Variants in OVOL3 observed in about 807,000 individuals in gnomAD.
OVOL3 encodes putative transcription factor ovo-like protein 3.
A neutral mutation model predicts 13.6 loss-of-function variants in OVOL3; 15 were observed. That is an observed-to-expected ratio of 1.11 (90% CI 0.74 to 1.70). The LOEUF is 1.70. Ranked by LOEUF, OVOL3 falls within the 40% of genes most tolerant of loss-of-function variation. OVOL3 has a pLI of 0.00. For missense variants in OVOL3, 290 were observed against 280.6 expected (o/e 1.03, Z -0.24); for synonymous variants, 102 against 108.5 (o/e 0.94, Z 0.37).
chr19:36,111,285 C>G lies in OVOL3; in HGVS notation c.83C>G (p.Ala28Gly). Reference protein sequence around the residue: ...GHLPDQLRGDAYIPDCSSLGG... With the variant: ...GHLPDQLRGDGYIPDCSSLGG... ...CTGCCTGACCAGCTCCGGGGAGATG[C>G]CTATATCCCAGGTGGGCCCCTCACT... Residue 28 changes from alanine (A) to glycine (G), a missense_variant, in exon 1 of 4, where the codon GCC becomes GGC. By Grantham distance (60) the Ala-to-Gly change is moderately conservative (BLOSUM62 0). Transcript: ENST00000633214. 1 of 1,536,004 alleles carries G rather than the reference C, an allele frequency of 6.5e-7. No homozygotes were observed. Among genetic ancestry groups the G allele is most frequent in the Non-Finnish European group, 8.7e-7 (1 of 1,146,858 alleles).
At chr19:36,111,464 T>A (rs1469371727) in intron 2 of OVOL3, 31 bp downstream of exon 2, 4 of 1,532,280 alleles carry the variant, frequency 2.6e-6, no homozygotes, top group Admixed American at 2.0e-5. Flanking sequence ...CAAAGCCAGC[T>A]GTTTCGCTCC....
Position 36,113,695 on chromosome 19 carries a change from TAAAC to T in OVOL3, c.*36_*39del, listed in dbSNP as rs745723037. On this transcript the variant is annotated 3_prime_UTR_variant, in exon 4 of 4. Coordinates refer to ENST00000633214, the MANE Select transcript of OVOL3 (RefSeq NM_001302757.2). ...GCCAGCGTCCTCCCCACGAGGCAAA[TAAAC>T]ACAGAAAACTCACGCATGGAATCTG... 1 of 1,575,964 alleles carries T rather than the reference TAAAC, an allele frequency of 6.3e-7. No homozygotes were observed. The highest frequency in any genetic ancestry group is 8.6e-7 in the Non-Finnish European group (1 of 1,160,752).
intron 2 of OVOL3, among the ~76,000 whole-genome samples, chr19:36,111,979 T>C (rs1973831943): frequency 1.3e-5 from 2 of 152,128 alleles, no homozygotes; most frequent in African/African-American, 4.8e-5. Flanking sequence ...GGCGGGTGAA[T>C]CACTTGAGGT....
intron 1 of OVOL3, 29 bp downstream of exon 1, chr19:36,111,325 G>A (rs1973810012): frequency 6.5e-7 from 1 of 1,535,226 alleles, no homozygotes; most frequent in African/African-American, 1.4e-5. Flanking sequence ...CTGGAGGTAA[G>A]GGGCAGGAGA....
Position 36,111,371 on chromosome 19 carries a change from T to G in OVOL3, c.97T>G (p.Cys33Gly). ...CACCATCTGGCTTTTCTCCTCAGACTGCAGCAGCCTGGGGGGGCCACCGGC... is the reference window on the plus strand; with the variant it reads ...CACCATCTGGCTTTTCTCCTCAGACGGCAGCAGCCTGGGGGGGCCACCGGC... ...QLRGDAYIPD[C>G]SSLGGPPAQQ... The change falls in exon 2 of 4, where the codon TGC becomes GGC. Residue 33 changes from cysteine to glycine, a missense_variant and splice_region_variant. By Grantham distance (159) the Cys-to-Gly change is radical. Coordinates refer to ENST00000633214, the MANE Select transcript of OVOL3 (RefSeq NM_001302757.2). The G allele has an allele frequency of 6.5e-7, 1 of 1,535,884 alleles. No individual in the cohort carries two copies. Among genetic ancestry groups the G allele is most frequent in the Non-Finnish European group, 8.7e-7 (1 of 1,146,756 alleles).
At position 36,112,738 on chromosome 19, in the gene OVOL3, A is replaced by C. The variant is rs1360199255; in HGVS notation, c.160-22A>C. On this transcript the variant is annotated intron_variant, in intron 2 of 3. Coordinates refer to ENST00000633214, the MANE Select transcript of OVOL3 (RefSeq NM_001302757.2). ...TGGATGGGGTCCAGCCAGAGAGGCT[A>C]ATAACTCCTGCATCCCTCCAGCAGC... is the stretch of plus-strand genomic sequence containing the variant. The C allele has an allele frequency of 1.1e-5, 16 of 1,523,344 alleles. No individual in the cohort carries two copies. In the East Asian group the frequency reaches 3.9e-4, roughly 37 times the overall value. 94.4% of individuals were successfully genotyped at this position (1,523,344 alleles called of 1,614,324 possible). A position where few individuals can be genotyped will look rare whatever the true frequency, so the allele number is the denominator to read the frequency against.
In OVOL3 at chr19:36,111,246, C is replaced by T. The variant is rs773954002; in HGVS notation, c.44C>T (p.Pro15Leu). The change falls in exon 1 of 4, where the codon CCC (proline) becomes CTC (leucine). Residue 15 changes from proline (P) to leucine (L), a missense_variant. Transcript: ENST00000633214. ...GTCAGGAGTCGGCGTCCACAGCCCCCCAACTGGGGCCATCTGCCTGACCAG... is the reference window on the plus strand; with the variant it reads ...GTCAGGAGTCGGCGTCCACAGCCCCTCAACTGGGGCCATCTGCCTGACCAG... The part of the protein sequence containing the change: ...FLVRSRRPQP[P>L]NWGHLPDQLR... The T allele has an allele frequency of 2.7e-4, 421 of 1,536,018 alleles. No individual in the cohort carries two copies. Among genetic ancestry groups the T allele is most frequent in the Middle Eastern group, 3.4e-4 (2 of 5,946 alleles).
intron 2 of OVOL3, 97 bp from the exon 3 acceptor site, chr19:36,112,663 G>T: frequency 8.8e-7 from 1 of 1,142,154 alleles, no homozygotes; most frequent in South Asian, 1.5e-5. Flanking sequence ...CTAATCCTCC[G>T]TGGTGGCTCA....
At chr19:36,112,446 G>C (rs536629675) in intron 2 of OVOL3, among the ~76,000 whole-genome samples, 2 of 152,222 alleles carry the variant, frequency 1.3e-5, no homozygotes, top group East Asian at 3.9e-4. Context: ...CTTGAACCCG[G>C]GAGGCGGAGG....
Position 36,112,843 on chromosome 19 carries a change from G to T in OVOL3, c.243G>T (p.Leu81=). The change falls in exon 3 of 4, where the codon CTG becomes CTT. Residue 81 remains leucine, a synonymous_variant. Coordinates refer to ENST00000633214, the MANE Select transcript of OVOL3 (RefSeq NM_001302757.2). ...CGCTCTGCCCTAAGGCCTTCCCTCTGCAGCGCATGCTGACAAGGCACCTCA... is the reference window on the plus strand; with the variant it reads ...CGCTCTGCCCTAAGGCCTTCCCTCTTCAGCGCATGCTGACAAGGCACCTCA... ...GCPLCPKAFP[L]QRMLTRHLKC... 2 of 1,536,068 alleles carry T rather than the reference G, an allele frequency of 1.3e-6. No individual in the cohort carries two copies. Among genetic ancestry groups the T allele is most frequent in the Non-Finnish European group, 1.7e-6 (2 of 1,146,924 alleles).
At chr19:36,112,690 C>A in intron 2 of OVOL3, 70 bp from the exon 3 acceptor site, 2 of 1,359,154 alleles carry the variant, frequency 1.5e-6, no homozygotes, top group Non-Finnish European at 2.0e-6. Flanking sequence ...TCTGTAAATA[C>A]TCATTTGCAG....
intron 3 of OVOL3, among the ~76,000 whole-genome samples, chr19:36,113,237 G>T (rs2145901996): frequency 6.6e-6 from 1 of 152,324 alleles, no homozygotes; most frequent in South Asian, 2.1e-4. Flanking sequence ...TCCCCCAGGG[G>T]AGGGAGCATC....
chr19:36,111,634 C>T (rs767401138), intron 2 of OVOL3: 2 of 702,614 alleles, frequency 2.8e-6, no homozygotes, highest in South Asian at 3.0e-5. Context: ...TCACCCCAGG[C>T]ACCAGGGCCG....
Position 36,111,284 on chromosome 19 carries a change from G to A in OVOL3, c.82G>A (p.Ala28Thr), listed in dbSNP as rs1474156816. 1 of 1,536,042 alleles carries A rather than the reference G, an allele frequency of 6.5e-7. No homozygotes were observed. Among genetic ancestry groups the A allele is most frequent in the Admixed American group, 2.0e-5 (1 of 50,986 alleles). The part of the protein sequence containing the change: ...GHLPDQLRGD[A>T]YIPDCSSLGG... Reference sequence around the variant, plus strand: ...TCTGCCTGACCAGCTCCGGGGAGATGCCTATATCCCAGGTGGGCCCCTCAC... The same window carrying A: ...TCTGCCTGACCAGCTCCGGGGAGATACCTATATCCCAGGTGGGCCCCTCAC... Residue 28 changes from alanine to threonine, a missense_variant, in exon 1 of 4, where the codon GCC (alanine) becomes ACC (threonine). Coordinates refer to ENST00000633214, the MANE Select transcript of OVOL3 (RefSeq NM_001302757.2).
At position 36,112,824 on chromosome 19, in the gene OVOL3, G is replaced by A; in HGVS notation, c.224G>A (p.Cys75Tyr). 1 of 1,535,752 alleles carries A rather than the reference G, an allele frequency of 6.5e-7. No individual in the cohort carries two copies. The change falls in exon 3 of 4, where the codon TGC (cysteine) becomes TAC (tyrosine). Residue 75 changes from cysteine to tyrosine, a missense_variant. By Grantham distance (194) the Cys-to-Tyr change is radical. Coordinates refer to ENST00000633214, the MANE Select transcript of OVOL3 (RefSeq NM_001302757.2). ...CCTGGGACGCTGGGCTGCCCGCTCTGCCCTAAGGCCTTCCCTCTGCAGCGC... is the reference window on the plus strand; with the variant it reads ...CCTGGGACGCTGGGCTGCCCGCTCTACCCTAAGGCCTTCCCTCTGCAGCGC... The part of the protein sequence containing the change: ...RGPGTLGCPL[C>Y]PKAFPLQRML...
intron 2 of OVOL3, 49 bp downstream of exon 2, chr19:36,111,482 T>C (rs774038180): frequency 1.3e-6 from 2 of 1,522,142 alleles, no homozygotes; most frequent in South Asian, 2.4e-5. Context: ...TCCTGCCTGC[T>C]CTCAGCCTTA....
Position 36,113,569 on chromosome 19 carries a change from C to T in OVOL3, c.481C>T (p.Arg161Cys). Residue 161 changes from arginine (R) to cysteine (C), a missense_variant, in exon 4 of 4, where the codon CGC becomes TGC. Physicochemically the swap from Arg to Cys is radical, Grantham distance 180. Transcript: ENST00000633214. ...QPASYAYRER[R>C]EKLHVCEDCG... ...GGCCAGCTACGCTTACCGTGAGCGC[C>T]GCGAGAAGCTGCACGTGTGCGAGGA... is the stretch of plus-strand genomic sequence containing the variant. 1.3e-6 allele frequency: 2 copies of T among 1,537,400 alleles called. No homozygotes were observed. Among genetic ancestry groups the T allele is most frequent in the South Asian group, 1.2e-5 (1 of 84,066 alleles).
intron 2 of OVOL3, 124 bp from the exon 3 acceptor site, chr19:36,112,636 G>A (rs1973850416): frequency 2.4e-6 from 2 of 834,292 alleles, no homozygotes; most frequent in Admixed American, 2.7e-5. Flanking sequence ...ACTAATCACT[G>A]TCTCCCACCT....
Position 36,111,245 on chromosome 19 carries a change from C to A in OVOL3, c.43C>A (p.Pro15Thr). Reference sequence around the variant, plus strand: ...GGTCAGGAGTCGGCGTCCACAGCCCCCCAACTGGGGCCATCTGCCTGACCA... The same window carrying A: ...GGTCAGGAGTCGGCGTCCACAGCCCACCAACTGGGGCCATCTGCCTGACCA... ...FLVRSRRPQP[P>T]NWGHLPDQLR... Residue 15 changes from proline to threonine, a missense_variant, in exon 1 of 4, where the codon CCC becomes ACC. Pro to Thr is a conservative substitution (Grantham distance 38, BLOSUM62 -1). Coordinates refer to ENST00000633214, the MANE Select transcript of OVOL3 (RefSeq NM_001302757.2). The A allele has an allele frequency of 6.5e-7, 1 of 1,536,014 alleles. No homozygotes were observed. The highest frequency in any genetic ancestry group is 8.7e-7 in the Non-Finnish European group (1 of 1,146,876).
Sources: allele counts gnomAD v4.1 joint callset (sites outside exome capture counted in the v4.1 genomes callset), GRCh38; gene constraint gnomAD v4.1.1; transcripts MANE v1.5; gene names NCBI Gene and HGNC (gene_info 2026-07-23, HGNC 2026-07-21).